Variants in VWF observed in about 807,000 individuals in gnomAD.
VWF encodes Factor VIII related antigen.
Under a neutral mutation model 308.6 loss-of-function variants are expected in VWF, and 176 were observed. The observed-to-expected ratio is 0.57, with a 90% CI of 0.50 to 0.65. The LOEUF (loss-of-function observed/expected upper bound fraction) is 0.65. Ranked by LOEUF, VWF falls within the 30% of genes least tolerant of loss-of-function variation. VWF has a pLI of 0.00. For missense variants in VWF, 3,146 were observed against 3,648.2 expected (o/e 0.86, Z 3.55); for synonymous variants, 1,385 against 1,443.4 (o/e 0.96, Z 0.92).
intron 18 of VWF, among the ~76,000 whole-genome samples, chr12:6,042,572 G>A (rs7303727): frequency 0.039 from 5,920 of 152,250 alleles, 395 homozygotes; most frequent in African/African-American, 0.13. Flanking sequence ...GAAAATAACC[G>A]AATCTCTTAC....
chr12:6,038,531 C>CATGGCCCAGGGAGACCT (rs1944362460), intron 18 of VWF, among the ~76,000 whole-genome samples: 2 of 8,662 alleles, frequency 2.3e-4, no homozygotes, highest in Non-Finnish European at 5.2e-4. Flanking sequence ...CCCACCATGC[C>CATGGCCCAGGGAGACCT]TCCTGTCACC....
In VWF at chr12:6,024,315, C is replaced by T. The variant is rs1234364346; in HGVS notation, c.3223-528G>A. Among the ~76,000 whole-genome samples, 1 of 152,206 alleles carries T rather than the reference C, an allele frequency of 6.6e-6. No homozygotes were observed. Among genetic ancestry groups the T allele is most frequent in the East Asian group, 1.9e-4 (1 of 5,202 alleles). Reference sequence around the variant, plus strand: ...GATTCCAAATCCAGTTCAACCAGTTCCAACCCTTCCTCATCCCCAAAACAC... The same window carrying T: ...GATTCCAAATCCAGTTCAACCAGTTTCAACCCTTCCTCATCCCCAAAACAC... On this transcript the variant is annotated intron_variant, in intron 24 of 51. Transcript: ENST00000261405. This position sits in a 1 kb window ranked among gnomAD's most constrained non-coding sequence, Gnocchi z 4.0.
intron 19 of VWF, among the ~76,000 whole-genome samples, chr12:6,035,108 G>A (rs1944320860): frequency 6.6e-6 from 1 of 152,192 alleles, no homozygotes; most frequent in African/African-American, 2.4e-5. Context: ...CAGGGAGGAG[G>A]CCCGGATGCT....
At chr12:6,005,349 C>T (rs1000587470) in intron 34 of VWF, among the ~76,000 whole-genome samples, 1 of 152,156 alleles carries the variant, frequency 6.6e-6, no homozygotes, top group African/African-American at 2.4e-5. Flanking sequence ...TCTTATCTCA[C>T]ACCACTGGGG....
intron 3 of VWF, among the ~76,000 whole-genome samples, chr12:6,117,035 C>T (rs575371005): frequency 1.1e-4 from 17 of 152,244 alleles, no homozygotes; most frequent in Non-Finnish European, 2.4e-4. Flanking sequence ...TCCTCTTCTC[C>T]CACACACCCC....
chr12:6,103,450 A>T (rs943447737), intron 5 of VWF, among the ~76,000 whole-genome samples: 1 of 87,274 alleles, frequency 1.1e-5, no homozygotes, highest in Non-Finnish European at 2.3e-5. Flanking sequence ...ATACATACAC[A>T]TATATGTGTA....
chr12:5,988,491 C>T (rs216883), intron 38 of VWF, among the ~76,000 whole-genome samples: 31,209 of 151,918 alleles, frequency 0.21, 3,489 homozygotes, highest in South Asian at 0.27. Context: ...TCCTTTTAAA[C>T]GCAGACCTCA....
Position 5,981,941 on chromosome 12 carries a change from G to C in VWF, c.7132C>G (p.His2378Asp). The C allele has an allele frequency of 6.2e-7, 1 of 1,613,596 alleles. No individual in the cohort carries two copies. Among genetic ancestry groups the C allele is most frequent in the African/African-American group, 1.3e-5 (1 of 74,874 alleles). ...KRVSPPSCPP[H>D]RLPTLRKTQC... is the part of the protein sequence containing the mutation. ...GTCTTCCGAAGGGTGGGCAAACGGT[G>C]CGGGGGGCAGGAGGGTGGGGACACT... is the stretch of plus-strand genomic sequence containing the variant. Residue 2378 changes from histidine (H) to aspartate (D), a missense_variant, in exon 42 of 52, where the codon CAC (histidine) becomes GAC (aspartate). Transcript: ENST00000261405.
chr12:6,086,544 A>T (rs2239146), intron 6 of VWF, among the ~76,000 whole-genome samples: 26,058 of 152,158 alleles, frequency 0.17, 2,665 homozygotes, highest in East Asian at 0.45. Flanking sequence ...CCAAGCAAAC[A>T]AATGTAACAA....
Position 6,114,436 on chromosome 12 carries a change from G to A in VWF, c.221-3468C>T, listed in dbSNP as rs549572981. ...TAAGTTTGTAAAGTAAGGCCTGCAA[G>A]GCTGAATAAACCAAGAATTCAGCAG... On this transcript the variant is annotated intron_variant, in intron 3 of 51. Transcript: ENST00000261405. Among the ~76,000 whole-genome samples the A allele has an allele frequency of 2.0e-5, 3 of 152,328 alleles. No individual in the cohort carries two copies. In the East Asian group the frequency reaches 5.8e-4, roughly 29 times the overall value.
chr12:6,091,866 C>G (rs1365682783), intron 6 of VWF, among the ~76,000 whole-genome samples: 2 of 152,230 alleles, frequency 1.3e-5, no homozygotes, highest in Non-Finnish European at 2.9e-5. Context: ...TGAGTCCTGG[C>G]TCTGCACCTT....
Position 5,949,899 on chromosome 12 carries a change from G to T in VWF, c.8156-16C>A. 1 of 1,611,124 alleles carries T rather than the reference G, an allele frequency of 6.2e-7. No individual in the cohort carries two copies. Among genetic ancestry groups the T allele is most frequent in the Non-Finnish European group, 8.5e-7 (1 of 1,179,486 alleles). ...GGCTCCTCACCTACAGGACAGGTGA[G>T]AGATGAAACTTGAGGACTGGCTGGG... On this transcript the variant is annotated splice_polypyrimidine_tract_variant and intron_variant, in intron 50 of 51. Transcript: ENST00000261405.
chr12:6,105,819 G>A (rs1945237342), intron 5 of VWF, among the ~76,000 whole-genome samples: 1 of 151,792 alleles, frequency 6.6e-6, no homozygotes, highest in Non-Finnish European at 1.5e-5. Flanking sequence ...GGCAGATCAA[G>A]AGGTCAAGAG....
rs1457474958 is a variant in VWF, at chr12:6,071,290, C to A, written c.1156+7G>T. ...AGGAGGAAGAGAATGAGCGGCAGGT[C>A]GCCTACCTGGACATTCTTCATTGCT... is the stretch of plus-strand genomic sequence containing the variant. On this transcript the variant is annotated splice_region_variant and intron_variant, in intron 10 of 51. Transcript: ENST00000261405. 6.2e-7 allele frequency: 1 copy of A among 1,614,030 alleles called. No individual in the cohort carries two copies. Among genetic ancestry groups the A allele is most frequent in the Admixed American group, 1.7e-5 (1 of 60,030 alleles).
chr12:6,079,466 C>T (rs538906276), intron 6 of VWF, among the ~76,000 whole-genome samples: 2 of 152,060 alleles, frequency 1.3e-5, no homozygotes, highest in African/African-American at 2.4e-5. Flanking sequence ...AAAAATTAGC[C>T]GGGCATGGTG....
At chr12:6,009,027 G>A (rs1431909213) in intron 34 of VWF, among the ~76,000 whole-genome samples, 1 of 152,088 alleles carries the variant, frequency 6.6e-6, no homozygotes, top group Non-Finnish European at 1.5e-5. Flanking sequence ...TGGTCTTGGC[G>A]ACGATTTCTT....
At chr12:5,979,521 G>A (rs867928612) in intron 42 of VWF, among the ~76,000 whole-genome samples, 4 of 152,174 alleles carry the variant, frequency 2.6e-5, no homozygotes, top group Admixed American at 6.5e-5. Context: ...GGAGGTCGAG[G>A]CGGGTGGATC....
intron 7 of VWF, among the ~76,000 whole-genome samples, chr12:6,074,371 C>T (rs894784957): frequency 4.0e-5 from 6 of 151,744 alleles, no homozygotes; most frequent in Non-Finnish European, 5.9e-5. Flanking sequence ...TTCAGGCTGA[C>T]TGAAAGACCG....
At chr12:5,949,957 T>G (rs1321537828) in intron 50 of VWF, 74 bp from the exon 51 acceptor site, 1 of 1,372,110 alleles carries the variant, frequency 7.3e-7, no homozygotes, top group Non-Finnish European at 1.0e-6. Flanking sequence ...CCCAGTGCCC[T>G]CACTGGGCTG....
Sources: allele counts gnomAD v4.1 joint callset (sites outside exome capture counted in the v4.1 genomes callset), GRCh38; gene constraint gnomAD v4.1.1; non-coding constraint Gnocchi (gnomAD v3.1); transcripts MANE v1.5; gene names NCBI Gene and HGNC (gene_info 2026-07-23, HGNC 2026-07-21).